The following STOX2 variants were observed in gnomAD, a reference collection of about 807,000 sequenced individuals.
The protein encoded by STOX2 is storkhead box 2.
In STOX2, 28 loss-of-function variants were observed where a neutral mutation model predicts 60.9. The ratio of observed to expected loss-of-function variants is 0.46; its 90% CI spans 0.34 to 0.63. STOX2 has a LOEUF of 0.63. STOX2 is among the 30% of genes least tolerant of loss of function. STOX2 has a pLI of 0.01. For synonymous variants in STOX2, 472 were observed against 463.9 expected (o/e 1.02, Z -0.22); for missense variants, 1,024 against 1,187.7 (o/e 0.86, Z 2.03).
At chr4:183,940,099 C>T (rs375383211) in intron 1 of STOX2, among the ~76,000 whole-genome samples, 6 of 152,182 alleles carry the variant, frequency 3.9e-5, no homozygotes, top group South Asian at 2.1e-4. Context: ...TTCGGGGTTT[C>T]GCCATGCTGG....
intron 1 of STOX2, among the ~76,000 whole-genome samples, chr4:183,932,139 A>G (rs1560889558): frequency 6.6e-6 from 1 of 152,020 alleles, no homozygotes; most frequent in East Asian, 1.9e-4. Flanking sequence ...AGGAGGAGTC[A>G]AGGTGATACC....
chr4:183,873,461 A>AAAAT (rs1740742935), intron 1 of STOX2, among the ~76,000 whole-genome samples: 1 of 151,516 alleles, frequency 6.6e-6, no homozygotes, highest in Admixed American at 6.6e-5. Context: ...AAAAAAAAAA[A>AAAAT]AAAGGGAGGA....
chr4:184,006,369 C>T (rs1733826742), intron 2 of STOX2, among the ~76,000 whole-genome samples: 1 of 152,074 alleles, frequency 6.6e-6, no homozygotes, highest in Non-Finnish European at 1.5e-5. Flanking sequence ...TGACAGTGGG[C>T]ATCATTCCTG....
intron 1 of STOX2, among the ~76,000 whole-genome samples, chr4:183,998,412 G>A (rs1475390352): frequency 3.3e-5 from 5 of 152,128 alleles, no homozygotes; most frequent in African/African-American, 9.7e-5. Context: ...ACTACAGGCC[G>A]GTGTCTCAGA....
At chr4:183,844,970 C>T (rs1260372705) in intron 1 of STOX2, among the ~76,000 whole-genome samples, 1 of 152,160 alleles carries the variant, frequency 6.6e-6, no homozygotes. Context: ...GATGTTGGTT[C>T]CATTTCATTC....
intron 1 of STOX2, among the ~76,000 whole-genome samples, chr4:183,888,878 C>G (rs1308993408): frequency 6.6e-6 from 1 of 152,024 alleles, no homozygotes; most frequent in Non-Finnish European, 1.5e-5. Flanking sequence ...TGATTTGGCT[C>G]TGTGCTGGGG....
chr4:183,809,618 C>T (rs1232987909), intron 1 of STOX2, among the ~76,000 whole-genome samples: 4 of 152,098 alleles, frequency 2.6e-5, no homozygotes, highest in South Asian at 2.1e-4. Flanking sequence ...AGGATGGTCT[C>T]GATTTCCTGA....
At chr4:183,916,431 G>T (rs1478013067) in intron 1 of STOX2, among the ~76,000 whole-genome samples, 2 of 152,210 alleles carry the variant, frequency 1.3e-5, no homozygotes, top group East Asian at 3.8e-4. Context: ...TAAACTTGGA[G>T]AAATCACTTA....
chr4:184,006,982 C>G (rs571008201), intron 2 of STOX2, among the ~76,000 whole-genome samples: 22 of 127,032 alleles, frequency 1.7e-4, no homozygotes, highest in Non-Finnish European at 3.0e-4. Context: ...CGCCACTGCA[C>G]TCCAGCCTGG....
intron 2 of STOX2, among the ~76,000 whole-genome samples, chr4:184,006,353 A>G (rs989455132): frequency 6.6e-6 from 1 of 152,168 alleles, no homozygotes; most frequent in Non-Finnish European, 1.5e-5. Context: ...TTGCTGTGCC[A>G]AACAATGACA....
upstream of STOX2, among the ~76,000 whole-genome samples, chr4:183,903,885 T>G (rs1741518441): frequency 6.6e-6 from 1 of 152,332 alleles, no homozygotes; most frequent in Admixed American, 6.5e-5. Context: ...TGGGATGATT[T>G]GAGTGCATTA....
Position 183,945,946 on chromosome 4 carries a change from A to T in STOX2, c.166+38990A>T, listed in dbSNP as rs182017348. On this transcript the variant is annotated intron_variant, in intron 1 of 3. Transcript: ENST00000308497. Reference sequence around the variant, plus strand: ...AATGCTTAATGTTCTAAATCTGAATAAAACCATTGTGAATGTAGTCCGTAG... The same window carrying T: ...AATGCTTAATGTTCTAAATCTGAATTAAACCATTGTGAATGTAGTCCGTAG... Among the ~76,000 whole-genome samples the T allele has an allele frequency of 2.0e-5, 3 of 152,360 alleles. No homozygotes were observed. The East Asian group carries it at 5.8e-4, about 29-fold the overall frequency.
chr4:183,979,347 C>G (rs2111185993), intron 1 of STOX2, among the ~76,000 whole-genome samples: 1 of 152,280 alleles, frequency 6.6e-6, no homozygotes, highest in African/African-American at 2.4e-5. Flanking sequence ...AACTCCACCC[C>G]TATGCTCCAG....
At chr4:183,878,248 A>T (rs1477890481) in intron 1 of STOX2, among the ~76,000 whole-genome samples, 3 of 152,210 alleles carry the variant, frequency 2.0e-5, no homozygotes, top group African/African-American at 7.2e-5. Context: ...AGATTCAGTG[A>T]ACCTGCCTGG....
chr4:184,014,494 A>C lies in STOX2; in HGVS notation c.2586-2595A>C, dbSNP rs138200538. The C allele has an allele frequency of 6.0e-4, 91 of 152,190 alleles. No homozygotes were observed. In the East Asian group the frequency reaches 0.016, roughly 26 times the overall value. 9.4% of individuals were successfully genotyped at this position (152,190 alleles called of 1,614,324 possible). On this transcript the variant is annotated intron_variant, in intron 3 of 3. Coordinates refer to ENST00000308497, the MANE Select transcript of STOX2 (RefSeq NM_020225.3). ...ACATGTGTACAGAAGGATGAACAAC[A>C]GAACCGCTTGGTCCATTTCTCCTGC...
At chr4:183,897,651 T>C (rs1741367660) in intron 1 of STOX2, among the ~76,000 whole-genome samples, 1 of 152,182 alleles carries the variant, frequency 6.6e-6, no homozygotes, top group South Asian at 2.1e-4. Flanking sequence ...AAGAGCCTCA[T>C]AGATATTTTC....
Position 183,856,577 on chromosome 4 carries a change from T to C in STOX2, c.364+58522T>C, listed in dbSNP as rs1025951077. Reference sequence around the variant, plus strand: ...AGCCTTGTCTAAAAGCCGTCCCTGCTCTCAGCCACCTGCCCCTGGCTGACT... The same window carrying C: ...AGCCTTGTCTAAAAGCCGTCCCTGCCCTCAGCCACCTGCCCCTGGCTGACT... On this transcript the variant is annotated intron_variant, in intron 1 of 2. Transcript: ENST00000513034. This position sits in a 1 kb window ranked among gnomAD's most constrained non-coding sequence, Gnocchi z 4.0. Among the ~76,000 whole-genome samples, 1 of 152,158 alleles carries C rather than the reference T, an allele frequency of 6.6e-6. No individual in the cohort carries two copies. Among genetic ancestry groups the C allele is most frequent in the African/African-American group, 2.4e-5 (1 of 41,438 alleles).
intron 1 of STOX2, among the ~76,000 whole-genome samples, chr4:183,891,324 A>C (rs1166687343): frequency 8.3e-6 from 1 of 121,162 alleles, no homozygotes; most frequent in Admixed American, 8.6e-5. Flanking sequence ...GATGGAATAT[A>C]TATATCTATG....
At chr4:183,858,154 A>C (rs1173645787) in intron 1 of STOX2, among the ~76,000 whole-genome samples, 2 of 152,154 alleles carry the variant, frequency 1.3e-5, no homozygotes, top group Non-Finnish European at 2.9e-5. Context: ...ACCTCACTGC[A>C]CAGCCCCATC....
Sources: gnomAD v4.1 joint callset for allele counts (sites outside exome capture counted in the v4.1 genomes callset) on GRCh38, gnomAD v4.1.1 for gene constraint, Gnocchi (gnomAD v3.1) non-coding constraint, MANE v1.5 for transcripts, NCBI Gene and HGNC (gene_info 2026-07-23, HGNC 2026-07-21) for gene names.